Variants in TFCP2L1 observed in about 807,000 individuals in gnomAD.
TFCP2L1 encodes transcription factor CP2-like protein 1.
In TFCP2L1, 12 loss-of-function variants were observed where a neutral mutation model predicts 72.2. The ratio of observed to expected loss-of-function variants is 0.17; its 90% confidence interval spans 0.11 to 0.27. The LOEUF (loss-of-function observed/expected upper bound fraction) is 0.27. TFCP2L1 is among the 10% of genes least tolerant of loss of function. The probability of loss-of-function intolerance (pLI) is 1.00; values close to 1 mark genes in which losing one functional copy is unlikely to be tolerated. For synonymous variants in TFCP2L1, 260 were observed against 251.0 expected (o/e 1.04, Z -0.34); for missense variants, 488 against 624.6 (o/e 0.78, Z 2.33).
intron 7 of TFCP2L1, among the ~76,000 whole-genome samples, chr2:121,241,025 G>A (rs917276131): frequency 6.6e-6 from 1 of 152,206 alleles, no homozygotes; most frequent in Non-Finnish European, 1.5e-5. Flanking sequence ...ACCCCTAACA[G>A]CCTTAATCCC....
chr2:121,224,267 C>T lies in TFCP2L1; in HGVS notation c.*74G>A. On this transcript the variant is annotated 3_prime_UTR_variant, in exon 15 of 15. Coordinates refer to ENST00000263707, the MANE Select transcript of TFCP2L1 (RefSeq NM_014553.3). ...GCTTGCCTGGTGAGGCCACAGCTTA[C>T]AGTGGGGCAATGTCTACATCCACGG... is the stretch of plus-strand genomic sequence containing the variant. 1.9e-6 allele frequency: 3 copies of T among 1,567,104 alleles called. No homozygotes were observed. In the South Asian group the frequency reaches 3.4e-5, roughly 18 times the overall value.
At chr2:121,235,570 CTTTCTTTTT>C (rs1364025273) in intron 10 of TFCP2L1, among the ~76,000 whole-genome samples, 21 of 88,650 alleles carry the variant, frequency 2.4e-4, no homozygotes, top group African/African-American at 6.8e-4. Flanking sequence ...TGCTTTCTTT[CTTTCTTTTT>C]TTTTTTTTTT....
chr2:121,284,984 C>T, intron 1 of TFCP2L1, 64 bp downstream of exon 1: 1 of 1,388,596 alleles, frequency 7.2e-7, no homozygotes, highest in African/African-American at 1.5e-5. Flanking sequence ...CGCCCCTGGA[C>T]GTCCAACGGC....
chr2:121,248,913 T>C (rs565075798), intron 4 of TFCP2L1, 69 bp downstream of exon 4: 238 of 1,283,628 alleles, frequency 1.9e-4, no homozygotes, highest in Non-Finnish European at 2.5e-4. Flanking sequence ...CCGGGTGGCA[T>C]CCAGGAAGAA....
Position 121,225,658 on chromosome 2 carries a change from T to A in TFCP2L1, c.1342-45A>T, listed in dbSNP as rs765112342. On this transcript the variant is annotated intron_variant, in intron 13 of 14. Transcript: ENST00000263707. ...ACATGTTCCTTCAACCACGAGTTCATCATTTGGAAAGCCTCGGTGGCAGAG... is the reference window on the plus strand; with the variant it reads ...ACATGTTCCTTCAACCACGAGTTCAACATTTGGAAAGCCTCGGTGGCAGAG... The A allele has an allele frequency of 1.7e-4, 278 of 1,610,326 alleles. No homozygotes were observed. The South Asian group carries it at 2.3e-3, about 13-fold the overall frequency.
At position 121,231,945 on chromosome 2, in the gene TFCP2L1, C is replaced by T; in HGVS notation, c.1222G>A (p.Glu408Lys). 6.2e-7 allele frequency: 1 copy of T among 1,606,906 alleles called. No individual in the cohort carries two copies. The highest frequency in any genetic ancestry group is 1.1e-5 in the South Asian group (1 of 90,366). The change falls in exon 13 of 15, where the codon GAG becomes AAG. Residue 408 changes from glutamate (E) to lysine (K), a missense_variant. Glu to Lys is a moderately conservative substitution (Grantham distance 56). Around this residue, in one of 3 missense-constraint regions of TFCP2L1, gnomAD observed 286 missense variants for 329.0 expected, o/e 0.87. Coordinates refer to ENST00000263707, the MANE Select transcript of TFCP2L1 (RefSeq NM_014553.3). ...TCAATCAGCTCCAAGGTGGTCAGCT[C>T]TTCCAGGAAGATGGCGTGGTACACT... ...LSVYHAIFLE[E>K]LTTLELIEKI...
At chr2:121,255,244 G>C (rs1003427609) in intron 2 of TFCP2L1, among the ~76,000 whole-genome samples, 8 of 152,178 alleles carry the variant, frequency 5.3e-5, no homozygotes, top group Non-Finnish European at 1.2e-4. Context: ...ATGTTGTACA[G>C]CGTAACTCCC....
chr2:121,280,514 T>G (rs577456386), intron 2 of TFCP2L1, among the ~76,000 whole-genome samples: 5 of 151,972 alleles, frequency 3.3e-5, no homozygotes. Flanking sequence ...TCCCAGCACT[T>G]TGGGAGGCGC....
In TFCP2L1 at chr2:121,224,248, C is replaced by T; in HGVS notation, c.*93G>A. The T allele has an allele frequency of 6.7e-7, 1 of 1,487,862 alleles. No individual in the cohort carries two copies. The highest frequency in any genetic ancestry group is 1.2e-5 in the South Asian group (1 of 84,878). The allele number at this position is 1,487,862 out of a possible 1,614,324, so 92.2% of individuals were successfully genotyped here. On this transcript the variant is annotated 3_prime_UTR_variant, in exon 15 of 15. Transcript: ENST00000263707. The stretch of plus-strand genomic sequence containing the variant: ...AGGGTCCCTCCTGGCCTCAGCTTGC[C>T]TGGTGAGGCCACAGCTTACAGTGGG...
At chr2:121,241,123 G>C (rs1339171868) in intron 7 of TFCP2L1, among the ~76,000 whole-genome samples, 2 of 152,186 alleles carry the variant, frequency 1.3e-5, no homozygotes, top group African/African-American at 4.8e-5. Flanking sequence ...CAATCAGTCA[G>C]CCTGACTGCA....
chr2:121,277,243 T>C (rs148377944), intron 2 of TFCP2L1, among the ~76,000 whole-genome samples: 3,885 of 152,288 alleles, frequency 0.026, 77 homozygotes, highest in Non-Finnish European at 0.043. Context: ...TACACACCTA[T>C]AGTCACAGCT....
chr2:121,282,557 C>T (rs1414580604), intron 1 of TFCP2L1, among the ~76,000 whole-genome samples: 1 of 151,626 alleles, frequency 6.6e-6, no homozygotes, highest in Non-Finnish European at 1.5e-5. Flanking sequence ...ACAAAAAACC[C>T]AGCATTTTAA....
chr2:121,249,521 C>G (rs1686561421), intron 3 of TFCP2L1, 50 bp downstream of exon 3: 8 of 1,591,020 alleles, frequency 5.0e-6, no homozygotes, highest in Non-Finnish European at 6.9e-6. Context: ...TGCCCAGACC[C>G]TAATCAAGCC....
chr2:121,242,536 C>T, intron 6 of TFCP2L1, 67 bp from the exon 7 acceptor site: 1 of 1,483,440 alleles, frequency 6.7e-7, no homozygotes, highest in Non-Finnish European at 9.4e-7. Flanking sequence ...AAGCCCTCTC[C>T]TGCTTCCCAC....
At chr2:121,250,963 TAAG>T (rs1373634572) in intron 2 of TFCP2L1, among the ~76,000 whole-genome samples, 5 of 151,470 alleles carry the variant, frequency 3.3e-5, no homozygotes, top group African/African-American at 9.7e-5. Flanking sequence ...TATAGACTCT[TAAG>T]AAGTTACAAA....
intron 2 of TFCP2L1, among the ~76,000 whole-genome samples, chr2:121,261,896 C>T (rs1386994039): frequency 6.6e-6 from 1 of 152,194 alleles, no homozygotes; most frequent in Non-Finnish European, 1.5e-5. Context: ...CGTATCAGCA[C>T]CATGATCCCC....
chr2:121,278,129 C>T (rs1220636868), intron 2 of TFCP2L1, among the ~76,000 whole-genome samples: 2 of 148,270 alleles, frequency 1.3e-5, no homozygotes, highest in Admixed American at 6.7e-5. Context: ...CTCCGCTTCC[C>T]GGGTTCACGC....
At chr2:121,240,859 A>G (rs1686353459) in intron 7 of TFCP2L1, among the ~76,000 whole-genome samples, 1 of 152,222 alleles carries the variant, frequency 6.6e-6, no homozygotes, top group Non-Finnish European at 1.5e-5. Context: ...ACTGACCTTC[A>G]GTCAGATAAA....
chr2:121,285,131 G>A lies in TFCP2L1; in HGVS notation c.-22C>T, dbSNP rs1420225235. 5 of 1,482,306 alleles carry A rather than the reference G, an allele frequency of 3.4e-6. No homozygotes were observed. Among genetic ancestry groups the A allele is most frequent in the East Asian group, 2.9e-5 (1 of 34,830 alleles). 91.8% of individuals were successfully genotyped at this position (1,482,306 alleles called of 1,614,324 possible). A position where few individuals can be genotyped will look rare whatever the true frequency, so the allele number is the denominator to read the frequency against. The stretch of plus-strand genomic sequence containing the variant: ...GCATGGCTGGAACTCCCAGCGCGCC[G>A]ACCGGGGCGCGGCAGCAAGCGCAGA... On this transcript the variant is annotated 5_prime_UTR_variant, in exon 1 of 15. Transcript: ENST00000263707.
Sources: gnomAD v4.1 joint callset for allele counts (sites outside exome capture counted in the v4.1 genomes callset) on GRCh38, gnomAD v4.1.1 for gene constraint, gnomAD v4.1.1 regional missense constraint, MANE v1.5 for transcripts, NCBI Gene and HGNC (gene_info 2026-07-23, HGNC 2026-07-21) for gene names.